Variants in DTL observed in about 807,000 individuals in gnomAD.
DTL encodes the protein denticleless protein homolog.
DTL carries 46 observed loss-of-function variants against 87.0 expected under a neutral mutation model. The ratio of observed to expected loss-of-function variants is 0.53; its 90% CI spans 0.42 to 0.68. The LOEUF is 0.68. Among genes scored for constraint, DTL ranks in the 30% least tolerant of loss-of-function variants. The probability of loss-of-function intolerance (pLI) is 0.00; values close to 1 mark genes in which losing one functional copy is unlikely to be tolerated. For synonymous variants in DTL, 308 were observed against 311.2 expected (o/e 0.99, Z 0.11); for missense variants, 737 against 869.4 (o/e 0.85, Z 1.91).
Position 212,035,783 on chromosome 1 carries a change from T to G in DTL, c.-108T>G. 1 of 1,043,578 alleles carries G rather than the reference T, an allele frequency of 9.6e-7. No individual in the cohort carries two copies. The highest frequency in any genetic ancestry group is 2.6e-5 in the East Asian group (1 of 38,150). 64.6% of individuals were successfully genotyped at this position (1,043,578 alleles called of 1,614,324 possible). On this transcript the variant is annotated 5_prime_UTR_variant, in exon 1 of 15. Transcript: ENST00000366991. ...GGCCGGGGCTTACAGTGGCGGGAGT[T>G]GGAGGCGATAACGATTTGTGTTGTG...
Position 212,081,667 on chromosome 1 carries a change from A to G in DTL, c.1261+917A>G, listed in dbSNP as rs79398026. ...AGAAGCTATGGTGAGAAGTCATCCAATTTTGGATATATTTACAAGACAGAG... is the reference window on the plus strand; with the variant it reads ...AGAAGCTATGGTGAGAAGTCATCCAGTTTTGGATATATTTACAAGACAGAG... On this transcript the variant is annotated intron_variant, in intron 13 of 14. Transcript: ENST00000366991. 9.9e-3 allele frequency among the ~76,000 whole-genome samples: 1,501 copies of G among 152,344 alleles called. 35 individuals are homozygous for G. The highest frequency in any genetic ancestry group is 0.034 in the African/African-American group (1,408 of 41,574).
At chr1:212,081,811 C>T (rs559040357) in intron 13 of DTL, among the ~76,000 whole-genome samples, 97 of 152,252 alleles carry the variant, frequency 6.4e-4, no homozygotes, top group Non-Finnish European at 1.2e-3. Context: ...AGATAAATAT[C>T]CCTGCAGGAA....
intron 8 of DTL, 139 bp from the exon 9 acceptor site, chr1:212,068,085 T>C: frequency 1.7e-6 from 1 of 573,510 alleles, no homozygotes; most frequent in South Asian, 2.5e-5. Context: ...CTTTAATTTG[T>C]TTCCCAATGA....
chr1:212,068,722 A>G lies in DTL; in HGVS notation c.922+19A>G. On this transcript the variant is annotated intron_variant, in intron 10 of 14. Transcript: ENST00000366991. ...TCTCCAGGTAAGATATTAGTCATTCAAATTCTCTTACCAGGAAAGCATTAT... is the reference window on the plus strand; with the variant it reads ...TCTCCAGGTAAGATATTAGTCATTCGAATTCTCTTACCAGGAAAGCATTAT... 1.3e-6 allele frequency: 2 copies of G among 1,485,286 alleles called. No individual in the cohort carries two copies. Among genetic ancestry groups the G allele is most frequent in the South Asian group, 2.3e-5 (2 of 85,346 alleles). The allele number at this position is 1,485,286 out of a possible 1,614,324, so 92.0% of individuals were successfully genotyped here.
intron 1 of DTL, among the ~76,000 whole-genome samples, chr1:212,042,715 C>A (rs1417722242): frequency 1.3e-5 from 2 of 152,086 alleles, no homozygotes; most frequent in Non-Finnish European, 2.9e-5. Context: ...TATGCAGAGG[C>A]CTCTTGTTTC....
intron 3 of DTL, among the ~76,000 whole-genome samples, chr1:212,045,129 T>G (rs1166644450): frequency 4.6e-5 from 7 of 152,190 alleles, no homozygotes; most frequent in African/African-American, 1.7e-4. Context: ...GTTAATCTGT[T>G]CATGAGGGAT....
At chr1:212,092,588 A>G (rs984788388) in intron 13 of DTL, among the ~76,000 whole-genome samples, 1 of 152,036 alleles carries the variant, frequency 6.6e-6, no homozygotes, top group African/African-American at 2.4e-5. Flanking sequence ...TGCAAATGCC[A>G]TTATTTCAAT....
At chr1:212,080,258 T>C in intron 12 of DTL, 1 of 163,472 alleles carries the variant, frequency 6.1e-6, no homozygotes, top group Admixed American at 6.1e-5. Flanking sequence ...TGGTAACATA[T>C]ACTGATTGAT....
At chr1:212,046,605 T>G (rs1667814664) in intron 3 of DTL, among the ~76,000 whole-genome samples, 1 of 152,218 alleles carries the variant, frequency 6.6e-6, no homozygotes, top group South Asian at 2.1e-4. Flanking sequence ...TCCATGTCCC[T>G]GCAAAGGACA....
intron 11 of DTL, among the ~76,000 whole-genome samples, chr1:212,073,860 C>T (rs939271138): frequency 5.9e-5 from 9 of 151,938 alleles, no homozygotes; most frequent in African/African-American, 2.2e-4. Context: ...ATGTCGCTGG[C>T]ACTAATGCTC....
intron 5 of DTL, among the ~76,000 whole-genome samples, chr1:212,052,551 C>G (rs989135267): frequency 5.3e-5 from 8 of 151,014 alleles, no homozygotes; most frequent in African/African-American, 1.9e-4. Flanking sequence ...GCAGGAGAAT[C>G]GCTTGAACCT....
At chr1:212,094,766 T>C (rs562377415) in intron 13 of DTL, among the ~76,000 whole-genome samples, 1 of 152,352 alleles carries the variant, frequency 6.6e-6, no homozygotes, top group East Asian at 1.9e-4. Context: ...GTTTGTGTCA[T>C]CTGATTTCTT....
At position 212,103,181 on chromosome 1, in the gene DTL, G is replaced by T; in HGVS notation, c.*241G>T. ...TGTTTAAATTTCATAAAGTAAATTT[G>T]TCACTCTAGCATTTTGAATGAATAG... On this transcript the variant is annotated 3_prime_UTR_variant, in exon 15 of 15. Transcript: ENST00000366991. 1 of 272,712 alleles carries T rather than the reference G, an allele frequency of 3.7e-6. No individual in the cohort carries two copies. Among genetic ancestry groups the T allele is most frequent in the Non-Finnish European group, 6.8e-6 (1 of 146,888 alleles). The allele number at this position is 272,712 out of a possible 1,614,324, so 16.9% of individuals were successfully genotyped here. A position where few individuals can be genotyped will look rare whatever the true frequency, so the allele number is the denominator to read the frequency against.
intron 13 of DTL, among the ~76,000 whole-genome samples, chr1:212,096,498 G>A (rs1347131422): frequency 6.6e-6 from 1 of 152,146 alleles, no homozygotes; most frequent in Non-Finnish European, 1.5e-5. Flanking sequence ...ACTTTTTGAT[G>A]TAGGCACTTA....
At chr1:212,089,875 C>T (rs12089230) in intron 13 of DTL, among the ~76,000 whole-genome samples, 48,104 of 152,098 alleles carry the variant, frequency 0.32, 8,981 homozygotes, top group Middle Eastern at 0.43. Flanking sequence ...CTTCCCCAAT[C>T]CTGCCTTGTT....
chr1:212,049,939 G>C (rs1667914353), intron 5 of DTL, among the ~76,000 whole-genome samples: 1 of 151,854 alleles, frequency 6.6e-6, no homozygotes, highest in African/African-American at 2.4e-5. Context: ...CCAGCAACTT[G>C]GGAGGCTGAG....
rs771327167 is a variant in DTL at position 212,100,805 on chromosome 1, T to A, written c.1815T>A (p.Pro605=). ...QEDLSKDSLG[P]TKSSKIEGAG... ...ACCTTAGTAAGGACTCTCTAGGTCC[T>A]ACCAAATCAAGCAAAATTGAAGGAG... The change falls in exon 14 of 15, where the codon CCT becomes CCA. Residue 605 remains proline (P), a synonymous_variant. Coordinates refer to ENST00000366991, the MANE Select transcript of DTL (RefSeq NM_016448.4). 5.0e-6 allele frequency: 8 copies of A among 1,614,162 alleles called. No individual in the cohort carries two copies. The South Asian group carries it at 7.7e-5, about 16-fold the overall frequency.
rs144958058 is a variant in DTL, at chr1:212,068,264, T to C, written c.754T>C (p.Tyr252His). The change falls in exon 9 of 15, where the codon TAT becomes CAT. Residue 252 changes from tyrosine (Y) to histidine (H), a missense_variant. Tyr to His is a moderately conservative substitution (Grantham distance 83). Transcript: ENST00000366991. ...VWDLRKNYTAYRQEPIASKSF... is the reference protein window; with the variant it reads ...VWDLRKNYTAHRQEPIASKSF... The stretch of plus-strand genomic sequence containing the variant: ...GGATTTACGTAAGAATTATACTGCT[T>C]ATCGACAAGAACCCATAGCATCCAA... The C allele has an allele frequency of 1.4e-5, 23 of 1,610,750 alleles. No homozygotes were observed. The highest frequency in any genetic ancestry group is 8.5e-5 in the Admixed American group (5 of 59,088).
chr1:212,047,895 C>T (rs1430316610), intron 5 of DTL, among the ~76,000 whole-genome samples: 1 of 152,180 alleles, frequency 6.6e-6, no homozygotes, highest in African/African-American at 2.4e-5. Context: ...GTTTTAGGCC[C>T]ACTCTTCTGG....
Sources: allele counts gnomAD v4.1 joint callset (sites outside exome capture counted in the v4.1 genomes callset), GRCh38; gene constraint gnomAD v4.1.1; transcripts MANE v1.5; gene names NCBI Gene and HGNC (gene_info 2026-07-23, HGNC 2026-07-21).